Variants in GRID2 observed in about 807,000 individuals in gnomAD.
GRID2 encodes the protein glutamate receptor ionotropic, delta-2.
A neutral mutation model predicts 114.8 loss-of-function variants in GRID2; 33 were observed. That is an observed-to-expected ratio of 0.29 (90% CI 0.22 to 0.38). The LOEUF (loss-of-function observed/expected upper bound fraction) is 0.38. Ranked by LOEUF, GRID2 falls within the 10% of genes least tolerant of loss-of-function variation. The pLI, the probability that GRID2 is intolerant of heterozygous loss-of-function variation, is 1.00. For missense variants in GRID2, 1,184 were observed against 1,257.7 expected (o/e 0.94, Z 0.89); for synonymous variants, 505 against 449.9 (o/e 1.12, Z -1.55).
chr4:92,489,063 G>A (rs1723028597), intron 1 of GRID2, among the ~76,000 whole-genome samples: 1 of 151,954 alleles, frequency 6.6e-6, no homozygotes, highest in Non-Finnish European at 1.5e-5. Context: ...TGTATAGGTG[G>A]GTAAGTCCTC....
At chr4:93,117,808 A>G (rs1401359099) in intron 4 of GRID2, among the ~76,000 whole-genome samples, 1 of 152,204 alleles carries the variant, frequency 6.6e-6, no homozygotes, top group African/African-American at 2.4e-5. Context: ...GGCAAGAGTT[A>G]TAGTGCTGTT....
chr4:92,408,841 A>G (rs1478924164), intron 1 of GRID2, among the ~76,000 whole-genome samples: 2 of 152,092 alleles, frequency 1.3e-5, no homozygotes, highest in Non-Finnish European at 2.9e-5. Flanking sequence ...ATGAAACGTT[A>G]CTGTATTTGT....
intron 1 of GRID2, among the ~76,000 whole-genome samples, chr4:92,527,052 G>A (rs887319077): frequency 2.6e-5 from 4 of 151,714 alleles, no homozygotes; most frequent in East Asian, 1.9e-4. Flanking sequence ...CAAGGGATGA[G>A]GATACGTTTG....
At chr4:92,549,856 A>G (rs1726486854) in intron 1 of GRID2, among the ~76,000 whole-genome samples, 1 of 152,204 alleles carries the variant, frequency 6.6e-6, no homozygotes, top group Admixed American at 6.5e-5. Flanking sequence ...GTACTTGAGA[A>G]GAAATACTAA....
At chr4:92,832,386 G>GTTTGT (rs1240646804) in intron 2 of GRID2, among the ~76,000 whole-genome samples, 5 of 152,030 alleles carry the variant, frequency 3.3e-5, no homozygotes, top group South Asian at 4.2e-4. Flanking sequence ...TGTTGTTTTT[G>GTTTGT]TTTGTTTTGT....
chr4:93,526,919 G>C (rs570272296), intron 13 of GRID2, among the ~76,000 whole-genome samples: 1 of 152,244 alleles, frequency 6.6e-6, no homozygotes, highest in East Asian at 1.9e-4. Context: ...TTTCCATTTT[G>C]ACTTTTTAAA....
intron 2 of GRID2, among the ~76,000 whole-genome samples, chr4:93,064,855 C>A (rs1411819269): frequency 6.6e-6 from 1 of 151,854 alleles, no homozygotes; most frequent in Non-Finnish European, 1.5e-5. Context: ...TCAGTCTAAT[C>A]ATCCTTGTCT....
chr4:92,690,461 C>A (rs1458438075), intron 2 of GRID2, among the ~76,000 whole-genome samples: 2 of 152,106 alleles, frequency 1.3e-5, no homozygotes, highest in African/African-American at 2.4e-5. Flanking sequence ...GATCACTGAA[C>A]ACAGATCACC....
chr4:93,395,325 G>A (rs899776128), intron 8 of GRID2, among the ~76,000 whole-genome samples: 16 of 151,876 alleles, frequency 1.1e-4, no homozygotes, highest in Non-Finnish European at 1.5e-5. Context: ...GTACATTACT[G>A]GGACTGAGTG....
intron 8 of GRID2, among the ~76,000 whole-genome samples, chr4:93,391,838 T>C (rs893516146): frequency 6.6e-6 from 1 of 152,150 alleles, no homozygotes; most frequent in African/African-American, 2.4e-5. Context: ...ATCCAGTTTG[T>C]TGAACACAAG....
chr4:93,028,658 A>T (rs181324450), intron 2 of GRID2, among the ~76,000 whole-genome samples: 59 of 152,188 alleles, frequency 3.9e-4, no homozygotes, highest in African/African-American at 1.4e-3. Flanking sequence ...GTAATGATCA[A>T]ACCACAGTAA....
At chr4:92,809,968 A>G (rs1202101864) in intron 2 of GRID2, among the ~76,000 whole-genome samples, 2 of 151,984 alleles carry the variant, frequency 1.3e-5, no homozygotes, top group Admixed American at 1.3e-4. Flanking sequence ...TTCACTTTTC[A>G]TTTTTGAAAA....
At chr4:92,677,386 C>G (rs1733426429) in intron 2 of GRID2, among the ~76,000 whole-genome samples, 1 of 152,086 alleles carries the variant, frequency 6.6e-6, no homozygotes, top group Admixed American at 6.5e-5. Context: ...TGGCAGGAAC[C>G]TTATGAAAAG....
chr4:92,529,786 T>C (rs1372447619), intron 1 of GRID2, among the ~76,000 whole-genome samples: 4 of 152,290 alleles, frequency 2.6e-5, no homozygotes, highest in South Asian at 2.1e-4. Flanking sequence ...CAGGGATGAA[T>C]TGCAAGTAAA....
intron 13 of GRID2, among the ~76,000 whole-genome samples, chr4:93,555,176 G>C (rs1282154091): frequency 6.6e-6 from 1 of 152,082 alleles, no homozygotes; most frequent in East Asian, 1.9e-4. Flanking sequence ...CACAAAACTG[G>C]GTGGCCACTT....
chr4:92,753,953 C>T (rs539935464), intron 2 of GRID2, among the ~76,000 whole-genome samples: 4 of 151,930 alleles, frequency 2.6e-5, no homozygotes, highest in Non-Finnish European at 4.4e-5. Context: ...GTATAGATAC[C>T]AGTAATAGCT....
Position 93,772,586 on chromosome 4 carries a change from C to T in GRID2, c.*88C>T, listed in dbSNP as rs539119517. ...TATTGTGGGACTAACATGGATGTAACGTTTAAAAAAAAGATCAGGATTATT... is the reference window on the plus strand; with the variant it reads ...TATTGTGGGACTAACATGGATGTAATGTTTAAAAAAAAGATCAGGATTATT... On this transcript the variant is annotated 3_prime_UTR_variant, in exon 16 of 16. Coordinates refer to ENST00000282020, the MANE Select transcript of GRID2 (RefSeq NM_001510.4). 88 of 921,174 alleles carry T rather than the reference C, an allele frequency of 9.6e-5. No homozygotes were observed. Among genetic ancestry groups the T allele is most frequent in the Admixed American group, 1.7e-4 (7 of 40,296 alleles). The allele number at this position is 921,174 out of a possible 1,614,324, so 57.1% of individuals were successfully genotyped here. A position where few individuals can be genotyped will look rare whatever the true frequency, so the allele number is the denominator to read the frequency against.
At chr4:93,574,993 A>G (rs1257816841) in intron 13 of GRID2, among the ~76,000 whole-genome samples, 11 of 152,172 alleles carry the variant, frequency 7.2e-5, no homozygotes, top group Admixed American at 7.2e-4. Flanking sequence ...AACTGATTCT[A>G]GCTGGGCATC....
intron 1 of GRID2, among the ~76,000 whole-genome samples, chr4:92,341,772 A>G (rs925746474): frequency 3.3e-5 from 5 of 151,924 alleles, no homozygotes; most frequent in Admixed American, 2.6e-4. Context: ...AAAATTAGCC[A>G]GGCGTGGTGG....
Sources: allele counts gnomAD v4.1 joint callset (sites outside exome capture counted in the v4.1 genomes callset), GRCh38; gene constraint gnomAD v4.1.1; transcripts MANE v1.5; gene names NCBI Gene and HGNC (gene_info 2026-07-23, HGNC 2026-07-21).